GRIK1: variants seen among roughly 807,000 people sequenced by gnomAD.
The protein encoded by GRIK1 is glutamate receptor ionotropic, kainate 1.
A neutral mutation model predicts 105.7 loss-of-function variants in GRIK1; 69 were observed. The ratio of observed to expected loss-of-function variants is 0.65; its 90% CI spans 0.54 to 0.80. GRIK1 has a LOEUF of 0.80. Ranked by LOEUF, GRIK1 falls within the 30% of genes least tolerant of loss-of-function variation. The pLI is 0.00. For synonymous variants in GRIK1, 438 were observed against 431.3 expected (o/e 1.02, Z -0.19); for missense variants, 1,109 against 1,167.3 (o/e 0.95, Z 0.73).
intron 1 of GRIK1, among the ~76,000 whole-genome samples, chr21:29,713,092 G>T (rs975712368): frequency 4.6e-5 from 7 of 152,074 alleles, no homozygotes; most frequent in Non-Finnish European, 7.4e-5. Context: ...CAAGCCATCA[G>T]ACTTAAAGCT....
chr21:29,608,941 A>T (rs1238085924), intron 7 of GRIK1, among the ~76,000 whole-genome samples: 1 of 152,046 alleles, frequency 6.6e-6, no homozygotes, highest in African/African-American at 2.4e-5. Context: ...TGTTGATCCA[A>T]CATCCACTAG....
chr21:29,537,523 C>T (rs1022386070), intron 17 of GRIK1, 138 bp from the exon 18 acceptor site: 29 of 700,248 alleles, frequency 4.1e-5, no homozygotes, highest in Non-Finnish European at 6.8e-5. Context: ...GTTCCCATCA[C>T]CTCCTCCTCC....
At chr21:29,654,904 T>G in intron 4 of GRIK1, 41 bp from the exon 5 acceptor site, 2 of 1,178,086 alleles carry the variant, frequency 1.7e-6, no homozygotes, top group Non-Finnish European at 2.6e-6. Flanking sequence ...GGAACAGAAT[T>G]ATAATAAGAA....
intron 1 of GRIK1, among the ~76,000 whole-genome samples, chr21:29,705,977 G>A (rs1248969711): frequency 6.6e-6 from 1 of 151,030 alleles, no homozygotes; most frequent in African/African-American, 2.4e-5. Flanking sequence ...GGGTTCAAGC[G>A]ATTCTCCTGC....
At chr21:29,869,428 T>C (rs2068935169) in intron 1 of GRIK1, among the ~76,000 whole-genome samples, 1 of 152,218 alleles carries the variant, frequency 6.6e-6, no homozygotes, top group South Asian at 2.1e-4. Context: ...TGCTAAGTGG[T>C]ATGGAAGAAA....
chr21:29,782,039 C>A (rs1389057261), intron 1 of GRIK1, among the ~76,000 whole-genome samples: 1 of 151,480 alleles, frequency 6.6e-6, no homozygotes. Flanking sequence ...TAGTGATGGG[C>A]ATTTGGGTAC....
intron 1 of GRIK1, among the ~76,000 whole-genome samples, chr21:29,702,660 G>A (rs1201544065): frequency 6.6e-6 from 1 of 152,110 alleles, no homozygotes; most frequent in Non-Finnish European, 1.5e-5. Context: ...GCAGTGAGCC[G>A]AGATCGCACC....
intron 7 of GRIK1, among the ~76,000 whole-genome samples, chr21:29,600,948 T>G (rs2832408): frequency 0.55 from 83,481 of 152,150 alleles, 25,966 homozygotes; most frequent in African/African-American, 0.85. Flanking sequence ...ATGGATTCAT[T>G]CTACCTACAA....
At chr21:29,937,784 T>C (rs550210234) in intron 1 of GRIK1, among the ~76,000 whole-genome samples, 2 of 126,050 alleles carry the variant, frequency 1.6e-5, no homozygotes, top group African/African-American at 5.6e-5. Flanking sequence ...AGTTACTTTG[T>C]ATTGTTCAGA....
chr21:29,898,399 A>C (rs2070255614), intron 1 of GRIK1, among the ~76,000 whole-genome samples: 1 of 152,164 alleles, frequency 6.6e-6, no homozygotes, highest in South Asian at 2.1e-4. Context: ...TGACAGGGCA[A>C]AAGGTTCTAT....
At chr21:29,833,315 C>T (rs753565683) in intron 1 of GRIK1, among the ~76,000 whole-genome samples, 8 of 152,164 alleles carry the variant, frequency 5.3e-5, no homozygotes, top group Non-Finnish European at 1.0e-4. Flanking sequence ...TGCTCATTAC[C>T]CAGTTCCAAA....
chr21:29,729,827 A>T (rs2064566060), intron 1 of GRIK1, among the ~76,000 whole-genome samples: 1 of 152,190 alleles, frequency 6.6e-6, no homozygotes, highest in South Asian at 2.1e-4. Context: ...TTTTCATCCT[A>T]AACTTAAAAA....
intron 1 of GRIK1, 60 bp downstream of exon 1, chr21:29,939,323 A>C: frequency 9.9e-7 from 1 of 1,011,010 alleles, no homozygotes; most frequent in South Asian, 1.4e-5. Flanking sequence ...GACCCGCTAC[A>C]CCCGCGTTGG....
At chr21:29,679,555 A>T (rs1264814223) in intron 3 of GRIK1, among the ~76,000 whole-genome samples, 1 of 152,182 alleles carries the variant, frequency 6.6e-6, no homozygotes, top group Non-Finnish European at 1.5e-5. Flanking sequence ...CAGATGTCTA[A>T]TAGATATCTG....
At chr21:29,807,929 T>C (rs192916874) in intron 1 of GRIK1, among the ~76,000 whole-genome samples, 1 of 152,226 alleles carries the variant, frequency 6.6e-6, no homozygotes, top group East Asian at 1.9e-4. Flanking sequence ...TATGCACTGG[T>C]ATACCTGAGG....
chr21:29,553,357 C>A, intron 16 of GRIK1: 1 of 1,208,704 alleles, frequency 8.3e-7, no homozygotes, highest in Non-Finnish European at 1.0e-6. Flanking sequence ...CTTTATACCC[C>A]TAATATGCCC....
chr21:29,598,856 T>A lies in GRIK1; in HGVS notation c.1180A>T (p.Ser394Cys). Residue 394 changes from serine to cysteine, a missense_variant, in exon 8 of 18, where the codon AGT becomes TGT. Ser to Cys is a moderately radical substitution (Grantham distance 112, BLOSUM62 -1). Around this residue, in one of 5 missense-constraint regions of GRIK1, gnomAD observed 612 missense variants for 586.0 expected, o/e 1.04. Transcript: ENST00000327783. ...LRKDFDLDIISLKEEGTEKAA... is the reference protein window; with the variant it reads ...LRKDFDLDIICLKEEGTEKAA... Reference sequence around the variant, plus strand: ...TTTTCAGTTCCTTCCTCTTTGAGACTAATAATGTCCAGATCAAAATCCTTC... The same window carrying A: ...TTTTCAGTTCCTTCCTCTTTGAGACAAATAATGTCCAGATCAAAATCCTTC... 1 of 1,538,832 alleles carries A rather than the reference T, an allele frequency of 6.5e-7. No homozygotes were observed. The highest frequency in any genetic ancestry group is 9.0e-7 in the Non-Finnish European group (1 of 1,115,068).
chr21:29,601,441 G>C (rs1440988453), intron 7 of GRIK1, among the ~76,000 whole-genome samples: 3 of 152,098 alleles, frequency 2.0e-5, no homozygotes, highest in Non-Finnish European at 4.4e-5. Context: ...CTATTGTTCT[G>C]TTTCTCTGGA....
At position 29,686,092 on chromosome 21, in the gene GRIK1, A is replaced by G. The variant is rs2063481784; in HGVS notation, c.544+3636T>C. ...TACCCTTTTGTCCAATCACATTTCC[A>G]CATGTTGTTCATTCTTCATGGAATC... On this transcript the variant is annotated intron_variant, in intron 3 of 17. Coordinates refer to ENST00000327783, the MANE Select transcript of GRIK1 (RefSeq NM_001330994.2). Among the ~76,000 whole-genome samples, 3 of 152,216 alleles carry G rather than the reference A, an allele frequency of 2.0e-5. No homozygotes were observed. In the South Asian group the frequency reaches 6.2e-4, roughly 32 times the overall value.
Sources: allele counts gnomAD v4.1 joint callset (sites outside exome capture counted in the v4.1 genomes callset), GRCh38; gene constraint gnomAD v4.1.1; regional missense constraint gnomAD v4.1.1; transcripts MANE v1.5; gene names NCBI Gene and HGNC (gene_info 2026-07-23, HGNC 2026-07-21).